PLBD1: variants seen among roughly 807,000 people sequenced by gnomAD.
PLBD1 encodes lysosomal leucine aminopeptidase.
In PLBD1, 60 loss-of-function variants were observed where a neutral mutation model predicts 63.0. That is an observed-to-expected ratio of 0.95 (90% CI 0.77 to 1.18). The LOEUF (loss-of-function observed/expected upper bound fraction) is 1.18. Ranked by LOEUF, PLBD1 falls within the 50% of genes most tolerant of loss-of-function variation. The pLI, the probability that PLBD1 is intolerant of heterozygous loss-of-function variation, is 0.00. For synonymous variants in PLBD1, 262 were observed against 248.0 expected, an observed-to-expected ratio of 1.06 and a Z score of -0.53; for missense variants, 598 against 677.9, an observed-to-expected ratio of 0.88 and a Z score of 1.31.
intron 1 of PLBD1, among the ~76,000 whole-genome samples, chr12:14,559,633 A>C (rs1008218369): frequency 7.2e-5 from 11 of 152,226 alleles, no homozygotes; most frequent in Admixed American, 6.5e-4. Context: ...TGAAAAGGAA[A>C]AGTCAGAATT....
At chr12:14,560,520 T>G (rs551523455) in intron 1 of PLBD1, among the ~76,000 whole-genome samples, 1 of 152,364 alleles carries the variant, frequency 6.6e-6, no homozygotes, top group East Asian at 1.9e-4. Flanking sequence ...TTCTCTTTTA[T>G]GTCTGCTCGG....
intron 6 of PLBD1, among the ~76,000 whole-genome samples, chr12:14,529,762 G>T (rs1348388189): frequency 2.6e-5 from 4 of 152,194 alleles, no homozygotes; most frequent in Non-Finnish European, 5.9e-5. Flanking sequence ...TATTCTGGAG[G>T]TCTTCTCCAG....
At chr12:14,520,504 T>C (rs1346093305) in intron 6 of PLBD1, among the ~76,000 whole-genome samples, 1 of 146,996 alleles carries the variant, frequency 6.8e-6, no homozygotes, top group Non-Finnish European at 1.5e-5. Flanking sequence ...TTCAGCAAGA[T>C]GTCTGACTAG....
Position 14,516,996 on chromosome 12 carries a change from G to A in PLBD1, c.845-5285C>T, listed in dbSNP as rs575989949. Among the ~76,000 whole-genome samples, 292 of 152,144 alleles carry A rather than the reference G, an allele frequency of 1.9e-3. 1 individual carries two copies. The highest frequency in any genetic ancestry group is 3.4e-3 in the Middle Eastern group (1 of 294). ...AGAGGTTGCAGTGAGCTGAGATCAC[G>A]CCATTCCACTCCAGCATGGGCGACA... is the stretch of plus-strand genomic sequence containing the variant. On this transcript the variant is annotated intron_variant, in intron 6 of 10. Coordinates refer to ENST00000240617, the MANE Select transcript of PLBD1 (RefSeq NM_024829.6).
At chr12:14,504,545 C>T (rs1166711675) in intron 10 of PLBD1, among the ~76,000 whole-genome samples, 1 of 152,202 alleles carries the variant, frequency 6.6e-6, no homozygotes, top group Non-Finnish European at 1.5e-5. Context: ...TCACTTAACC[C>T]CTCTATGAAT....
At chr12:14,516,900 A>G (rs367961419) in intron 6 of PLBD1, among the ~76,000 whole-genome samples, 1 of 152,008 alleles carries the variant, frequency 6.6e-6, no homozygotes, top group Non-Finnish European at 1.5e-5. Context: ...TTAGCAGGGC[A>G]TGGTGGCATA....
At chr12:14,511,847 C>T (rs1945300876) in intron 6 of PLBD1, 136 bp from the exon 7 acceptor site, 3 of 852,496 alleles carry the variant, frequency 3.5e-6, no homozygotes, top group Non-Finnish European at 3.7e-6. Context: ...CTGCAGTAGC[C>T]TCCCCCAGCT....
chr12:14,567,879 G>C lies in PLBD1; in HGVS notation c.-183C>G. On this transcript the variant is annotated 5_prime_UTR_variant, in exon 1 of 11. Coordinates refer to ENST00000240617, the MANE Select transcript of PLBD1 (RefSeq NM_024829.6). ...GCTCTGAGGGGCGAGGACGCTTCAC[G>C]TGGTGGCCTGGGGCCCACCCCGCCT... The C allele has an allele frequency of 1.2e-6, 1 of 813,600 alleles. No homozygotes were observed. The highest frequency in any genetic ancestry group is 1.7e-6 in the Non-Finnish European group (1 of 582,912). 50.4% of individuals were successfully genotyped at this position (813,600 alleles called of 1,614,324 possible). A position where few individuals can be genotyped will look rare whatever the true frequency, so the allele number is the denominator to read the frequency against.
chr12:14,523,744 A>C (rs1945395710), intron 6 of PLBD1, among the ~76,000 whole-genome samples: 1 of 152,222 alleles, frequency 6.6e-6, no homozygotes, highest in Non-Finnish European at 1.5e-5. Context: ...CTCTTTGATA[A>C]ATGGTGCTTG....
intron 4 of PLBD1, among the ~76,000 whole-genome samples, chr12:14,539,433 T>C (rs1027652650): frequency 1.3e-5 from 2 of 151,688 alleles, no homozygotes; most frequent in African/African-American, 4.8e-5. Flanking sequence ...TTATCATCTA[T>C]ATATATTTTT....
chr12:14,567,656 T>C lies in PLBD1; in HGVS notation c.41A>G (p.Gln14Arg). Residue 14 changes from glutamine to arginine, a missense_variant, in exon 1 of 11, where the codon CAG becomes CGG. By Grantham distance (43) the Gln-to-Arg change is conservative. Transcript: ENST00000240617. ...GGPGGRPGLP[Q>R]PPPLLLLLLL... ...CAGCAGCAGCAGAAGCGGTGGCGGC[T>C]GTGGCAGCCCCGGGCGCCCGCCCGG... is the stretch of plus-strand genomic sequence containing the variant. 6.7e-7 allele frequency: 1 copy of C among 1,491,048 alleles called. No homozygotes were observed. Among genetic ancestry groups the C allele is most frequent in the Non-Finnish European group, 8.9e-7 (1 of 1,128,878 alleles). The allele number at this position is 1,491,048 out of a possible 1,614,324, so 92.4% of individuals were successfully genotyped here.
chr12:14,538,105 G>A (rs1945534181), intron 4 of PLBD1, among the ~76,000 whole-genome samples: 1 of 151,340 alleles, frequency 6.6e-6, no homozygotes, highest in African/African-American at 2.4e-5. Context: ...GATTTTTTTT[G>A]TCTTAGTATC....
chr12:14,536,862 G>A, intron 4 of PLBD1, 152 bp from the exon 5 acceptor site: 2 of 973,924 alleles, frequency 2.1e-6, no homozygotes, highest in Non-Finnish European at 3.0e-6. Flanking sequence ...GCCAACGCGG[G>A]TGGATCTCCC....
intron 6 of PLBD1, among the ~76,000 whole-genome samples, chr12:14,522,595 G>C (rs1444922631): frequency 6.6e-6 from 1 of 151,864 alleles, no homozygotes; most frequent in Non-Finnish European, 1.5e-5. Flanking sequence ...AATAAACCTA[G>C]ATACAAAACT....
At position 14,540,830 on chromosome 12, in the gene PLBD1, A is replaced by G. The variant is rs756396024; in HGVS notation, c.492T>C (p.Tyr164=). ...KTDSFWRHTG[Y]VMAQIDGLYV... ...AGAGGCCATCTATTTGTGCCATCACATAGCCTGTATGTCTCCAAAATGAAT... is the reference window on the plus strand; with the variant it reads ...AGAGGCCATCTATTTGTGCCATCACGTAGCCTGTATGTCTCCAAAATGAAT... The change falls in exon 4 of 11, where the codon TAT becomes TAC. Residue 164 remains tyrosine, a synonymous_variant. Transcript: ENST00000240617. 4 of 1,611,348 alleles carry G rather than the reference A, an allele frequency of 2.5e-6. No homozygotes were observed. The highest frequency in any genetic ancestry group is 4.5e-5 in the East Asian group (2 of 44,832).
chr12:14,553,555 C>T, intron 1 of PLBD1, 143 bp from the exon 2 acceptor site: 1 of 721,284 alleles, frequency 1.4e-6, no homozygotes, highest in Non-Finnish European at 2.2e-6. Context: ...TTACAGTTTG[C>T]CCTTAATTCC....
At chr12:14,562,424 C>T (rs370858716) in intron 1 of PLBD1, among the ~76,000 whole-genome samples, 3 of 123,440 alleles carry the variant, frequency 2.4e-5, no homozygotes, top group Non-Finnish European at 3.2e-5. Context: ...TGCAGCACTG[C>T]GGTCCAGCCT....
chr12:14,539,343 C>T (rs904856503), intron 4 of PLBD1, among the ~76,000 whole-genome samples: 11 of 152,012 alleles, frequency 7.2e-5, no homozygotes, highest in Non-Finnish European at 1.5e-4. Flanking sequence ...TCTCCTTTCC[C>T]GCCAGCGGTC....
chr12:14,534,734 A>G (rs551139382), intron 6 of PLBD1, among the ~76,000 whole-genome samples: 32 of 152,150 alleles, frequency 2.1e-4, no homozygotes, highest in Non-Finnish European at 3.7e-4. Context: ...TAGTAGAGAC[A>G]GGGTTCACTG....
Sources: allele counts gnomAD v4.1 joint callset (sites outside exome capture counted in the v4.1 genomes callset), GRCh38; gene constraint gnomAD v4.1.1; transcripts MANE v1.5; gene names NCBI Gene and HGNC (gene_info 2026-07-23, HGNC 2026-07-21).